SLC25A16: variants seen among roughly 807,000 people sequenced by gnomAD.
SLC25A16 encodes mitochondrial coenzyme A transporter SLC25A16.
SLC25A16 carries 39 observed loss-of-function variants against 41.5 expected under a neutral mutation model. The observed-to-expected ratio is 0.94, with a 90% CI of 0.73 to 1.23. The LOEUF (loss-of-function observed/expected upper bound fraction) is 1.23, where lower values mean the gene tolerates loss of function less well. Among genes scored for constraint, SLC25A16 ranks in the 50% most tolerant of loss-of-function variants. SLC25A16 has a pLI of 0.00. For missense variants in SLC25A16, 421 were observed against 426.9 expected, an observed-to-expected ratio of 0.99 and a Z score of 0.12; for synonymous variants, 146 against 147.8, an observed-to-expected ratio of 0.99 and a Z score of 0.09.
intron 6 of SLC25A16, among the ~76,000 whole-genome samples, chr10:68,489,689 T>C (rs973921753): frequency 1.3e-5 from 2 of 152,018 alleles, no homozygotes; most frequent in African/African-American, 2.4e-5. Flanking sequence ...GATCACAAGG[T>C]CAGGAGTTTG....
chr10:68,488,880 T>C (rs2052609142), intron 6 of SLC25A16, among the ~76,000 whole-genome samples: 1 of 152,194 alleles, frequency 6.6e-6, no homozygotes, highest in Non-Finnish European at 1.5e-5. Flanking sequence ...TGCCACTTTA[T>C]ATGTGGAAAA....
chr10:68,506,632 A>C lies in SLC25A16; in HGVS notation c.310T>G (p.Phe104Val), dbSNP rs755348919. ...KGNGAMMIRI[F>V]PYGAIQFMAF... ...ATAAACTGGATTGCACCATAGGGAA[A>C]GATTCGAATCATCATTGCACCATTT... Residue 104 changes from phenylalanine (F) to valine (V), a missense_variant, in exon 3 of 9, where the codon TTT becomes GTT. By Grantham distance (50) the Phe-to-Val change is conservative (BLOSUM62 -1). Coordinates refer to ENST00000609923, the MANE Select transcript of SLC25A16 (RefSeq NM_152707.4). 6.2e-7 allele frequency: 1 copy of C among 1,605,982 alleles called. No homozygotes were observed. The highest frequency in any genetic ancestry group is 1.1e-5 in the South Asian group (1 of 89,644).
intron 2 of SLC25A16, among the ~76,000 whole-genome samples, chr10:68,511,845 A>C (rs1590118986): frequency 6.6e-6 from 1 of 151,216 alleles, no homozygotes; most frequent in Non-Finnish European, 1.5e-5. Flanking sequence ...AGGTACATGC[A>C]ACCACATGCA....
intron 6 of SLC25A16, among the ~76,000 whole-genome samples, chr10:68,490,017 T>C (rs1350575528): frequency 6.6e-6 from 1 of 152,002 alleles, no homozygotes; most frequent in African/African-American, 2.4e-5. Flanking sequence ...TCCTAACACT[T>C]ATGGAGGCTA....
chr10:68,511,757 A>G (rs974019103), intron 2 of SLC25A16, among the ~76,000 whole-genome samples: 7 of 151,766 alleles, frequency 4.6e-5, no homozygotes, highest in Admixed American at 6.6e-5. Flanking sequence ...CAGTGGCACA[A>G]TCACAGCTCA....
At chr10:68,483,959 C>T (rs1280283922) in intron 8 of SLC25A16, among the ~76,000 whole-genome samples, 2 of 152,074 alleles carry the variant, frequency 1.3e-5, no homozygotes, top group African/African-American at 4.8e-5. Flanking sequence ...CCACCTCGCT[C>T]GGCCCATAAT....
At chr10:68,509,719 A>ATATC (rs547512501) in intron 2 of SLC25A16, among the ~76,000 whole-genome samples, 6 of 143,296 alleles carry the variant, frequency 4.2e-5, no homozygotes, top group Non-Finnish European at 9.0e-5. Context: ...AAAAATCTAT[A>ATATC]TATCTATCTA....
chr10:68,498,044 A>G lies in SLC25A16; in HGVS notation c.422-4474T>C, dbSNP rs948330685. Among the ~76,000 whole-genome samples the G allele has an allele frequency of 1.4e-4, 21 of 152,254 alleles. 4 individuals are homozygous for G. Among genetic ancestry groups the G allele is most frequent in the Admixed American group, 8.5e-4 (13 of 15,274 alleles). On this transcript the variant is annotated intron_variant, in intron 4 of 8. Transcript: ENST00000609923. Reference sequence around the variant, plus strand: ...AGTGAGTATATGCCTTTTGTGCAGGATTCTCACACAGAAATCACAGATCTC... The same window carrying G: ...AGTGAGTATATGCCTTTTGTGCAGGGTTCTCACACAGAAATCACAGATCTC...
At chr10:68,494,015 A>AT (rs940197221) in intron 4 of SLC25A16, among the ~76,000 whole-genome samples, 19 of 152,184 alleles carry the variant, frequency 1.2e-4, no homozygotes, top group Admixed American at 2.0e-4. Context: ...CCATGTACAG[A>AT]TTTTTTGGTC....
chr10:68,504,475 G>A (rs1472190124), intron 3 of SLC25A16, among the ~76,000 whole-genome samples: 10 of 147,302 alleles, frequency 6.8e-5, no homozygotes, highest in Non-Finnish European at 1.2e-4. Flanking sequence ...TGGCTCTGTC[G>A]CCCAGGCTGG....
At chr10:68,494,372 G>A in intron 4 of SLC25A16, among the ~76,000 whole-genome samples, 1 of 139,862 alleles carries the variant, frequency 7.1e-6, no homozygotes, top group East Asian at 2.0e-4. Context: ...TGATGCAGGA[G>A]AATCACTTGA....
chr10:68,482,301 C>T lies in SLC25A16; in HGVS notation c.*1131G>A, dbSNP rs933148179. On this transcript the variant is annotated 3_prime_UTR_variant, in exon 9 of 9. Coordinates refer to ENST00000609923, the MANE Select transcript of SLC25A16 (RefSeq NM_152707.4). ...TTAAATATTCCCTTCCCATTTATGA[C>T]ACGCTTATAATAAATCATAAAAAGT... 1 of 151,690 alleles carries T rather than the reference C, an allele frequency of 6.6e-6. No homozygotes were observed. The highest frequency in any genetic ancestry group is 6.6e-5 in the Admixed American group (1 of 15,198). The allele number at this position is 151,690 out of a possible 1,614,324, so 9.4% of individuals were successfully genotyped here. A position where few individuals can be genotyped will look rare whatever the true frequency, so the allele number is the denominator to read the frequency against.
intron 8 of SLC25A16, among the ~76,000 whole-genome samples, chr10:68,484,423 T>A: frequency 7.1e-6 from 1 of 141,032 alleles, no homozygotes; most frequent in South Asian, 2.2e-4. Context: ...TTTTCAAAAA[T>A]CTTTTTTTTT....
In SLC25A16 at chr10:68,503,836, T is replaced by C. The variant is rs528242517; in HGVS notation, c.358-141A>G. The C allele has an allele frequency of 1.1e-5, 7 of 646,794 alleles. No homozygotes were observed. The East Asian group carries it at 1.3e-4, about 12-fold the overall frequency. The allele number at this position is 646,794 out of a possible 1,614,324, so 40.1% of individuals were successfully genotyped here. ...ATAAATGTGAACGAAATGAGCACAA[T>C]TAAATACAGCTTGGCAGTGTTATAT... On this transcript the variant is annotated intron_variant, in intron 3 of 8. Coordinates refer to ENST00000609923, the MANE Select transcript of SLC25A16 (RefSeq NM_152707.4).
chr10:68,491,866 T>TC (rs1290370800), intron 6 of SLC25A16, among the ~76,000 whole-genome samples: 2 of 152,108 alleles, frequency 1.3e-5, no homozygotes, highest in African/African-American at 4.8e-5. Context: ...TCTCACTCTT[T>TC]CGCCCAGGCT....
In SLC25A16 at chr10:68,483,484, G is replaced by T; in HGVS notation, c.947C>A (p.Ala316Glu). ...LNYIRCIPSQAVAFTTYELMK... is the reference protein window; with the variant it reads ...LNYIRCIPSQEVAFTTYELMK... ...AAGTTCGTATGTTGTAAAAGCCACTGCTTGAGAGGGAATACAGCGAATGTA... is the reference window on the plus strand; with the variant it reads ...AAGTTCGTATGTTGTAAAAGCCACTTCTTGAGAGGGAATACAGCGAATGTA... The change falls in exon 9 of 9, where the codon GCA (alanine) becomes GAA (glutamate). Residue 316 changes from alanine to glutamate, a missense_variant. Physicochemically the swap from Ala to Glu is moderately radical, Grantham distance 107. Transcript: ENST00000609923. 6.2e-7 allele frequency: 1 copy of T among 1,611,962 alleles called. No homozygotes were observed. Among genetic ancestry groups the T allele is most frequent in the South Asian group, 1.1e-5 (1 of 90,582 alleles).
In SLC25A16 at chr10:68,479,592, G is replaced by T. The variant is rs931157051; in HGVS notation, c.*3840C>A. 6.6e-6 allele frequency: 1 copy of T among 152,210 alleles called. No individual in the cohort carries two copies. Among genetic ancestry groups the T allele is most frequent in the East Asian group, 1.9e-4 (1 of 5,192 alleles). 9.4% of individuals were successfully genotyped at this position (152,210 alleles called of 1,614,324 possible). A position where few individuals can be genotyped will look rare whatever the true frequency, so the allele number is the denominator to read the frequency against. On this transcript the variant is annotated 3_prime_UTR_variant, in exon 9 of 9. Transcript: ENST00000609923. Reference sequence around the variant, plus strand: ...AAGTCGGGGGGGCAGATCACTTGAGGTCAGGTATTCAAGACCAGCCTGGCC... The same window carrying T: ...AAGTCGGGGGGGCAGATCACTTGAGTTCAGGTATTCAAGACCAGCCTGGCC...
intron 4 of SLC25A16, chr10:68,496,613 G>T: frequency 1.0e-6 from 1 of 983,244 alleles, no homozygotes; most frequent in Non-Finnish European, 1.2e-6. Context: ...AGAAACTAAG[G>T]ACATAAAGAT....
chr10:68,478,975 C>G lies in SLC25A16; in HGVS notation c.*4457G>C, dbSNP rs1427024382. ...ATTTCACCATGTTGGCCAGGATGGTCTTGATCTCCTGACCACGTGATCCGC... is the reference window on the plus strand; with the variant it reads ...ATTTCACCATGTTGGCCAGGATGGTGTTGATCTCCTGACCACGTGATCCGC... On this transcript the variant is annotated 3_prime_UTR_variant, in exon 9 of 9. Coordinates refer to ENST00000609923, the MANE Select transcript of SLC25A16 (RefSeq NM_152707.4). The G allele has an allele frequency of 1.3e-5, 2 of 152,140 alleles. No homozygotes were observed. The highest frequency in any genetic ancestry group is 3.9e-4 in the East Asian group (2 of 5,178). The allele number at this position is 152,140 out of a possible 1,614,324, so 9.4% of individuals were successfully genotyped here. A position where few individuals can be genotyped will look rare whatever the true frequency, so the allele number is the denominator to read the frequency against.
Sources: gnomAD v4.1 joint callset for allele counts (sites outside exome capture counted in the v4.1 genomes callset) on GRCh38, gnomAD v4.1.1 for gene constraint, MANE v1.5 for transcripts, NCBI Gene and HGNC (gene_info 2026-07-23, HGNC 2026-07-21) for gene names.